GLIPR1L2: variants seen among roughly 807,000 people sequenced by gnomAD.
GLIPR1L2 encodes GLIPR1-like protein 2.
In GLIPR1L2, 21 loss-of-function variants were observed where a neutral mutation model predicts 28.4. The ratio of observed to expected loss-of-function variants is 0.74; its 90% CI spans 0.52 to 1.06. The LOEUF (loss-of-function observed/expected upper bound fraction) is 1.06. Among genes scored for constraint, GLIPR1L2 ranks in the 50% least tolerant of loss-of-function variants. GLIPR1L2 has a pLI of 0.00. For missense variants in GLIPR1L2, 476 were observed against 416.9 expected (o/e 1.14, Z -1.23); for synonymous variants, 145 against 139.3 (o/e 1.04, Z -0.29).
chr12:75,430,737 C>CCCT lies in GLIPR1L2; in HGVS notation c.693_694insCCT (p.Ala231_Thr232insPro). The CCCT allele has an allele frequency of 6.5e-7, 1 of 1,534,714 alleles. No individual in the cohort carries two copies. The highest frequency in any genetic ancestry group is 1.2e-5 in the South Asian group (1 of 83,660). On this transcript the variant is annotated inframe_insertion, in exon 5 of 6. Coordinates refer to ENST00000550916, the MANE Select transcript of GLIPR1L2 (RefSeq NM_001270396.2). ...TAGGTAATGCAGATCGTGACCAAGC[C>CCCT]ACATGTATGTATTGTTGTCCTTTAT...
intron 4 of GLIPR1L2, among the ~76,000 whole-genome samples, chr12:75,426,517 T>G (rs1298322863): frequency 6.6e-6 from 1 of 152,236 alleles, no homozygotes; most frequent in African/African-American, 2.4e-5. Context: ...ACCCTGGTGG[T>G]TGCTTTTCTT....
At chr12:75,398,493 G>A (rs1228233607) in intron 1 of GLIPR1L2, among the ~76,000 whole-genome samples, 1 of 151,898 alleles carries the variant, frequency 6.6e-6, no homozygotes, top group African/African-American at 2.4e-5. Flanking sequence ...TTGTGTCTTA[G>A]CTTCGTCCTC....
At chr12:75,413,032 C>A (rs1048033296) in intron 2 of GLIPR1L2, among the ~76,000 whole-genome samples, 1 of 151,988 alleles carries the variant, frequency 6.6e-6, no homozygotes, top group African/African-American at 2.4e-5. Flanking sequence ...ATGATGAGTT[C>A]ATGTCCTTTG....
At chr12:75,428,403 A>G (rs945623176) in intron 4 of GLIPR1L2, among the ~76,000 whole-genome samples, 3 of 152,208 alleles carry the variant, frequency 2.0e-5, no homozygotes, top group African/African-American at 7.2e-5. Context: ...TGTTTGTAAA[A>G]GCATACAGTC....
intron 1 of GLIPR1L2, among the ~76,000 whole-genome samples, chr12:75,406,980 T>C (rs766085663): frequency 5.9e-5 from 9 of 151,976 alleles, no homozygotes; most frequent in Non-Finnish European, 1.2e-4. Context: ...CCACACTCAA[T>C]ATCTGATTAC....
Position 75,430,865 on chromosome 12 carries a change from G to A in GLIPR1L2, c.739G>A (p.Val247Ile), listed in dbSNP as rs2046084774. Residue 247 changes from valine (V) to isoleucine (I), a missense_variant, in exon 6 of 6, where the codon GTT (valine) becomes ATT (isoleucine). Coordinates refer to ENST00000550916, the MANE Select transcript of GLIPR1L2 (RefSeq NM_001270396.2). ...TCCAAAATGGGAAATGCCCCGGCCAGTTGTGTGTGATCCACTGTGCACATT... is the reference window on the plus strand; with the variant it reads ...TCCAAAATGGGAAATGCCCCGGCCAATTGTGTGTGATCCACTGTGCACATT... Reference protein sequence around the residue: ...WYPKWEMPRPVVCDPLCTFIL... With the variant: ...WYPKWEMPRPIVCDPLCTFIL... 6.5e-7 allele frequency: 1 copy of A among 1,535,446 alleles called. No individual in the cohort carries two copies. Among genetic ancestry groups the A allele is most frequent in the African/African-American group, 1.4e-5 (1 of 73,030 alleles).
In GLIPR1L2 at chr12:75,405,337, A is replaced by G. The variant is rs567768273; in HGVS notation, c.235-5097A>G. On this transcript the variant is annotated intron_variant, in intron 1 of 5. Coordinates refer to ENST00000550916, the MANE Select transcript of GLIPR1L2 (RefSeq NM_001270396.2). ...TACTGCTTGAGACCGTCATTACAAGACTGAACAGAGGACAAACGCAGAAGT... is the reference window on the plus strand; with the variant it reads ...TACTGCTTGAGACCGTCATTACAAGGCTGAACAGAGGACAAACGCAGAAGT... Among the ~76,000 whole-genome samples the G allele has an allele frequency of 5.9e-4, 90 of 152,300 alleles. 1 individual carries two copies. Among genetic ancestry groups the G allele is most frequent in the African/African-American group, 2.1e-3 (87 of 41,562 alleles).
chr12:75,396,090 T>TC (rs1291923493), intron 1 of GLIPR1L2, among the ~76,000 whole-genome samples: 2 of 152,328 alleles, frequency 1.3e-5, no homozygotes, highest in East Asian at 3.9e-4. Flanking sequence ...TTTCATTTTT[T>TC]CCCAAGGTAT....
chr12:75,420,300 G>A (rs900275470), intron 3 of GLIPR1L2, among the ~76,000 whole-genome samples: 2 of 152,218 alleles, frequency 1.3e-5, no homozygotes, highest in Non-Finnish European at 1.5e-5. Context: ...TGGCAGATAC[G>A]AGTCTAGTGT....
chr12:75,400,782 G>A (rs1324565605), intron 1 of GLIPR1L2, among the ~76,000 whole-genome samples: 5 of 151,992 alleles, frequency 3.3e-5, no homozygotes, highest in East Asian at 3.8e-4. Flanking sequence ...AAAATGTAAC[G>A]GCAACAATTT....
At chr12:75,409,918 A>G (rs1225283662) in intron 1 of GLIPR1L2, among the ~76,000 whole-genome samples, 3 of 149,460 alleles carry the variant, frequency 2.0e-5, no homozygotes, top group African/African-American at 7.3e-5. Flanking sequence ...TATCTAATCC[A>G]ATATATATAA....
intron 1 of GLIPR1L2, among the ~76,000 whole-genome samples, chr12:75,409,960 A>G (rs550876513): frequency 1.5e-4 from 23 of 150,740 alleles, no homozygotes; most frequent in Non-Finnish European, 2.1e-4. Context: ...ATAAAAATAT[A>G]CATAATTCTA....
chr12:75,410,091 G>A (rs1477216817), intron 1 of GLIPR1L2, among the ~76,000 whole-genome samples: 1 of 151,488 alleles, frequency 6.6e-6, no homozygotes, highest in Non-Finnish European at 1.5e-5. Context: ...TTGTATTTCT[G>A]TGTACAAAAA....
chr12:75,398,731 TA>T (rs34186782), intron 1 of GLIPR1L2, among the ~76,000 whole-genome samples: 2 of 152,162 alleles, frequency 1.3e-5, no homozygotes, highest in Non-Finnish European at 2.9e-5. Context: ...CCTCCTTTTT[TA>T]AAAAAAGAAA....
intron 3 of GLIPR1L2, among the ~76,000 whole-genome samples, chr12:75,415,773 A>G (rs145765428): frequency 1.3e-4 from 20 of 152,164 alleles, no homozygotes; most frequent in Non-Finnish European, 2.5e-4. Flanking sequence ...TGGCCCCACC[A>G]TCTTCAAGTC....
At chr12:75,429,566 G>A (rs908021395) in intron 4 of GLIPR1L2, among the ~76,000 whole-genome samples, 1 of 152,170 alleles carries the variant, frequency 6.6e-6, no homozygotes, top group African/African-American at 2.4e-5. Context: ...AGGCCTGATT[G>A]TGTTTTGAAA....
chr12:75,409,561 G>T, intron 1 of GLIPR1L2, among the ~76,000 whole-genome samples: 1 of 94,954 alleles, frequency 1.1e-5, no homozygotes, highest in African/African-American at 3.2e-5. Context: ...TTTTGGGTGT[G>T]TGTGTATATA....
At chr12:75,402,420 T>G (rs1440198470) in intron 1 of GLIPR1L2, among the ~76,000 whole-genome samples, 1 of 151,984 alleles carries the variant, frequency 6.6e-6, no homozygotes, top group African/African-American at 2.4e-5. Context: ...GAATAACAAA[T>G]CTCCAAATGT....
chr12:75,402,480 TTATC>T (rs776964490), intron 1 of GLIPR1L2, among the ~76,000 whole-genome samples: 1 of 152,210 alleles, frequency 6.6e-6, no homozygotes, highest in Non-Finnish European at 1.5e-5. Flanking sequence ...CCTGTTTTAT[TTATC>T]AATATACATT....
Sources: allele counts gnomAD v4.1 joint callset (sites outside exome capture counted in the v4.1 genomes callset), GRCh38; gene constraint gnomAD v4.1.1; transcripts MANE v1.5; gene names NCBI Gene and HGNC (gene_info 2026-07-23, HGNC 2026-07-21).